The following XG variants were observed in gnomAD, a reference collection of about 807,000 sequenced individuals.
XG encodes glycoprotein Xg.
In XG, 24 loss-of-function variants were observed where a neutral mutation model predicts 25.7. The ratio of observed to expected loss-of-function variants is 0.93; its 90% CI spans 0.68 to 1.31. XG has a LOEUF of 1.31. Among genes scored for constraint, XG ranks in the 40% most tolerant of loss-of-function variants. The pLI is 0.00. For missense variants in XG, 181 were observed against 187.6 expected (o/e 0.96, Z 0.21); for synonymous variants, 77 against 69.2 (o/e 1.11, Z -0.56).
rs139273013 is a variant in XG, at chrX:2,775,863, A to G, written c.127+1124A>G. ...CCCAGCTACTCGGGAGGCTGAGGCA[A>G]GAGAATCACTTGAACCCGGGAGGTG... On this transcript the variant is annotated intron_variant, in intron 3 of 10. Transcript: ENST00000644266. Among the ~76,000 whole-genome samples, 911 of 150,650 alleles carry G rather than the reference A, an allele frequency of 6.0e-3. 12 individuals are homozygous for G. The highest frequency in any genetic ancestry group is 0.021 in the African/African-American group (859 of 41,048).
At chrX:2,766,799 T>C (rs2050708020) in intron 1 of XG, among the ~76,000 whole-genome samples, 2 of 151,796 alleles carry the variant, frequency 1.3e-5, no homozygotes, top group South Asian at 4.2e-4. Flanking sequence ...TCTCCTGACC[T>C]CGTGATCCGC....
chrX:2,814,157 A>G (rs2087083121), intron 10 of XG, among the ~76,000 whole-genome samples: 1 of 111,523 alleles, frequency 9.0e-6, no homozygotes, highest in Non-Finnish European at 1.9e-5. Context: ...AGCTTTATTA[A>G]AGTATGATAG....
chrX:2,782,115 C>T lies in XG; in HGVS notation c.177C>T (p.Pro59=), dbSNP rs752882626. The T allele has an allele frequency of 1.8e-5, 22 of 1,210,248 alleles. No homozygotes were observed. Among genetic ancestry groups the T allele is most frequent in the African/African-American group, 3.5e-5 (2 of 57,362 alleles). The change falls in exon 4 of 11, where the codon CCC becomes CCT. Residue 59 remains proline (P), a synonymous_variant. Coordinates refer to ENST00000644266, the MANE Select transcript of XG (RefSeq NM_001141919.2). ...CTTACTACCCACAGCCCGAGAATCC[C>T]GACAGCGGTGGAAGTAAGAATCCGC... ...KPPYYPQPEN[P]DSGGNIYPRP...
chrX:2,782,176 G>T, intron 4 of XG, 48 bp downstream of exon 4: 1 of 1,184,452 alleles, frequency 8.4e-7, no homozygotes, highest in Non-Finnish European at 1.1e-6. Flanking sequence ...GTTTGATGAT[G>T]TTTGCCTTTT....
At chrX:2,773,142 A>C (rs781182806) in intron 2 of XG, among the ~76,000 whole-genome samples, 2 of 151,168 alleles carry the variant, frequency 1.3e-5, no homozygotes, top group South Asian at 4.2e-4. Flanking sequence ...GAAACAATGA[A>C]AGGACAGAGG....
Position 2,811,706 on chromosome X carries a change from T to C in XG, c.571+254T>C, listed in dbSNP as rs569090995. ...TACCTCCTGGGTTCAAGAGATTCTC[T>C]TGCCTCAGCCTCCCGAACAGCTGGG... is the stretch of plus-strand genomic sequence containing the variant. On this transcript the variant is annotated intron_variant, in intron 10 of 10. Coordinates refer to ENST00000644266, the MANE Select transcript of XG (RefSeq NM_001141919.2). Among the ~76,000 whole-genome samples, 277 of 111,678 alleles carry C rather than the reference T, an allele frequency of 2.5e-3. 1 individual carries two copies. The highest frequency in any genetic ancestry group is 8.5e-3 in the African/African-American group (260 of 30,758).
At chrX:2,807,117 G>A (rs1323702668) in intron 8 of XG, among the ~76,000 whole-genome samples, 2 of 45,016 alleles carry the variant, frequency 4.4e-5, no homozygotes, top group Non-Finnish European at 9.0e-5. Context: ...GATTTCATGT[G>A]CATGTGTGCA....
At chrX:2,779,707 C>G (rs1377934488) in intron 3 of XG, among the ~76,000 whole-genome samples, 1 of 152,054 alleles carries the variant, frequency 6.6e-6, no homozygotes, top group Non-Finnish European at 1.5e-5. Context: ...AGTGCAGTGG[C>G]GTGATCTTGG....
rs145441331 is a variant in XG at position 2,807,915 on chromosome X, A to G, written c.419-270A>G. Reference sequence around the variant, plus strand: ...CTGTGTGTGTTTTGCATGCGCATGTATGTAGACTCTCCAATCCTGAAATTA... The same window carrying G: ...CTGTGTGTGTTTTGCATGCGCATGTGTGTAGACTCTCCAATCCTGAAATTA... On this transcript the variant is annotated intron_variant, in intron 8 of 10. Transcript: ENST00000644266. Among the ~76,000 whole-genome samples the G allele has an allele frequency of 7.3e-3, 811 of 111,741 alleles. 1 individual carries two copies. Among genetic ancestry groups the G allele is most frequent in the Non-Finnish European group, 0.012 (648 of 53,109 alleles).
At chrX:2,806,638 G>A in intron 7 of XG, 63 bp from the exon 8 acceptor site, 1 of 1,024,511 alleles carries the variant, frequency 9.8e-7, no homozygotes, top group Non-Finnish European at 1.3e-6. Flanking sequence ...GCTTGCTTCT[G>A]TAAGATCATG....
In XG at chrX:2,769,409, A is replaced by G. The variant is rs1216897271; in HGVS notation, c.62-1141A>G. Among the ~76,000 whole-genome samples the G allele has an allele frequency of 2.0e-5, 3 of 152,176 alleles. No individual in the cohort carries two copies. The East Asian group carries it at 5.8e-4, about 29-fold the overall frequency. ...TCCTGCCTTGCCCTGAACTTCCCAGAACCTCAGTTTCTTCCTTTGGGAAAT... is the reference window on the plus strand; with the variant it reads ...TCCTGCCTTGCCCTGAACTTCCCAGGACCTCAGTTTCTTCCTTTGGGAAAT... On this transcript the variant is annotated intron_variant, in intron 1 of 10. Coordinates refer to ENST00000644266, the MANE Select transcript of XG (RefSeq NM_001141919.2).
intron 10 of XG, 107 bp from the exon 11 acceptor site, chrX:2,814,257 A>G: frequency 1.0e-6 from 1 of 955,467 alleles, no homozygotes; most frequent in Non-Finnish European, 1.4e-6. Context: ...CTAGAGCAAG[A>G]GTCTCTTGTA....
intron 3 of XG, among the ~76,000 whole-genome samples, chrX:2,777,829 G>T (rs1178363058): frequency 6.6e-6 from 1 of 152,156 alleles, no homozygotes; most frequent in Admixed American, 6.5e-5. Flanking sequence ...AGGAAGCCGA[G>T]GCGGGTGGAT....
intron 7 of XG, among the ~76,000 whole-genome samples, chrX:2,802,533 G>A (rs762367619): frequency 9.0e-6 from 1 of 111,015 alleles, no homozygotes; most frequent in African/African-American, 3.3e-5. Flanking sequence ...AATTTGGCTG[G>A]TAGGAGACCC....
intron 10 of XG, 64 bp from the exon 11 acceptor site, chrX:2,814,298 TTC>T (rs1320391959): frequency 8.9e-6 from 10 of 1,120,699 alleles, no homozygotes; most frequent in Non-Finnish European, 1.2e-5. Context: ...GGTTTTCTTT[TTC>T]TCTGTTTAAT....
chrX:2,770,573 G>A lies in XG; in HGVS notation c.85G>A (p.Asp29Asn). The A allele has an allele frequency of 6.2e-7, 1 of 1,613,950 alleles. No homozygotes were observed. ...ARGQRDFDLADALDDPEPTKK... is the reference protein window; with the variant it reads ...ARGQRDFDLANALDDPEPTKK... ...AGGTCAAAGAGACTTTGATTTGGCA[G>A]ATGCCCTTGATGACCCTGGTAAGTG... is the stretch of plus-strand genomic sequence containing the variant. Residue 29 changes from aspartate (D) to asparagine (N), a missense_variant, in exon 2 of 11, where the codon GAT (aspartate) becomes AAT (asparagine). Asp to Asn is a conservative substitution (Grantham distance 23). Coordinates refer to ENST00000644266, the MANE Select transcript of XG (RefSeq NM_001141919.2).
chrX:2,758,956 T>C lies in XG; in HGVS notation c.61+6621T>C, dbSNP rs376098702. 5.7e-3 allele frequency among the ~76,000 whole-genome samples: 866 copies of C among 151,874 alleles called. 4 individuals are homozygous for C. Among genetic ancestry groups the C allele is most frequent in the African/African-American group, 0.016 (653 of 41,362 alleles). Reference sequence around the variant, plus strand: ...TTTCTGTCATCTATTATCTATCTATTTATCTATCTTTCTACCTACTTCTCT... The same window carrying C: ...TTTCTGTCATCTATTATCTATCTATCTATCTATCTTTCTACCTACTTCTCT... On this transcript the variant is annotated intron_variant, in intron 1 of 10. Transcript: ENST00000644266.
chrX:2,792,762 G>A (rs2086849252), intron 5 of XG, among the ~76,000 whole-genome samples: 2 of 110,041 alleles, frequency 1.8e-5, no homozygotes, highest in African/African-American at 3.3e-5. Flanking sequence ...CTCTGTGCAT[G>A]CTACCTCGAC....
At chrX:2,774,080 AAT>A in intron 2 of XG, among the ~76,000 whole-genome samples, 1 of 152,070 alleles carries the variant, frequency 6.6e-6, no homozygotes. Flanking sequence ...CATGCTTTCA[AAT>A]ACGGTGTTTC....
Sources: gnomAD v4.1 joint callset for allele counts (sites outside exome capture counted in the v4.1 genomes callset) on GRCh38, gnomAD v4.1.1 for gene constraint, MANE v1.5 for transcripts, NCBI Gene and HGNC (gene_info 2026-07-23, HGNC 2026-07-21) for gene names.